DUSP22: variants seen among roughly 807,000 people sequenced by gnomAD.
DUSP22 encodes dual specificity phosphatase 22, also known as dual specificity protein phosphatase 22.
Under a neutral mutation model 24.5 loss-of-function variants are expected in DUSP22, and 24 were observed. The ratio of observed to expected loss-of-function variants is 0.98; its 90% CI spans 0.71 to 1.38. The LOEUF (loss-of-function observed/expected upper bound fraction) is 1.38. Ranked by LOEUF, DUSP22 falls within the 40% of genes most tolerant of loss-of-function variation. The probability of loss-of-function intolerance (pLI) is 0.00; values close to 1 mark genes in which losing one functional copy is unlikely to be tolerated. For missense variants in DUSP22, 330 were observed against 269.2 expected, an observed-to-expected ratio of 1.23 and a Z score of -1.58; for synonymous variants, 160 against 106.4, an observed-to-expected ratio of 1.50 and a Z score of -3.10.
chr6:301,715 C>T (rs1757589148), intron 1 of DUSP22, among the ~76,000 whole-genome samples: 1 of 152,274 alleles, frequency 6.6e-6, no homozygotes, highest in Non-Finnish European at 1.5e-5. Flanking sequence ...GCGGTGGGAG[C>T]CCTGGGTTTT....
At chr6:320,981 T>C (rs1372157112) in intron 3 of DUSP22, among the ~76,000 whole-genome samples, 1 of 152,304 alleles carries the variant, frequency 6.6e-6, no homozygotes, top group Non-Finnish European at 1.5e-5. Flanking sequence ...GACAGGCGTG[T>C]AAATCCTTAA....
intron 3 of DUSP22, among the ~76,000 whole-genome samples, chr6:324,716 G>C (rs774634205): frequency 2.3e-4 from 35 of 152,290 alleles, no homozygotes; most frequent in South Asian, 4.1e-4. Flanking sequence ...TGATCCCAGA[G>C]GGAGGATGTG....
chr6:327,596 C>T (rs1406193758), intron 3 of DUSP22, among the ~76,000 whole-genome samples: 2 of 152,302 alleles, frequency 1.3e-5, no homozygotes, highest in Middle Eastern at 3.2e-3. Context: ...ACTGGCCCTT[C>T]ACACGCAGTG....
In DUSP22 at chr6:307,003, A is replaced by G. The variant is rs576538355; in HGVS notation, c.55+2342A>G. On this transcript the variant is annotated intron_variant, in intron 2 of 6. Transcript: ENST00000419235. ...AATAAGCACCCACACACTCACTGCTACTGCCATGGGAGCCCGATCGATGCC... is the reference window on the plus strand; with the variant it reads ...AATAAGCACCCACACACTCACTGCTGCTGCCATGGGAGCCCGATCGATGCC... 3.3e-5 allele frequency among the ~76,000 whole-genome samples: 5 copies of G among 152,428 alleles called. No individual in the cohort carries two copies. In the East Asian group the frequency reaches 9.6e-4, roughly 29 times the overall value.
chr6:292,571 C>A lies in DUSP22; in HGVS notation c.21+11C>A. On this transcript the variant is annotated intron_variant, in intron 1 of 6. Transcript: ENST00000419235. ...AATGGGATGAACAAGGTAACGTCTTCCCTCGTTCGCGCTGGGTTTGCCTCC... is the reference window on the plus strand; with the variant it reads ...AATGGGATGAACAAGGTAACGTCTTACCTCGTTCGCGCTGGGTTTGCCTCC... 2 of 1,596,598 alleles carry A rather than the reference C, an allele frequency of 1.3e-6. No individual in the cohort carries two copies. The highest frequency in any genetic ancestry group is 1.7e-6 in the Non-Finnish European group (2 of 1,172,118).
intron 3 of DUSP22, among the ~76,000 whole-genome samples, chr6:316,357 A>G (rs953643659): frequency 1.1e-4 from 16 of 152,306 alleles, no homozygotes; most frequent in Admixed American, 2.6e-4. Flanking sequence ...TAATTTCAAT[A>G]GAAAGTAAGC....
intron 3 of DUSP22, among the ~76,000 whole-genome samples, chr6:322,840 G>T (rs9765994): frequency 6.8e-6 from 1 of 146,080 alleles, no homozygotes; most frequent in East Asian, 2.0e-4. Context: ...TGGGGCGGGG[G>T]GGGGCCTTCG....
At chr6:348,001 T>C (rs1581196203) in intron 5 of DUSP22, 102 bp from the exon 6 acceptor site, 1 of 1,528,832 alleles carries the variant, frequency 6.5e-7, no homozygotes, top group East Asian at 2.3e-5. Flanking sequence ...GCAGGAAGAC[T>C]TTCTGAACAA....
Position 349,849 on chromosome 6 carries a change from G to T in DUSP22, c.*898G>T. ...CACTTGAGCTCTGTGGTGGGCAGGC[G>T]CACTTTAGCCTAAGTTGGGTGCCCC... On this transcript the variant is annotated 3_prime_UTR_variant, in exon 7 of 7. Transcript: ENST00000419235. The T allele has an allele frequency of 2.0e-6, 2 of 985,990 alleles. No homozygotes were observed. The highest frequency in any genetic ancestry group is 2.4e-6 in the Non-Finnish European group (2 of 830,326). 61.1% of individuals were successfully genotyped at this position (985,990 alleles called of 1,614,324 possible).
chr6:343,171 T>TA (rs1384362059), intron 4 of DUSP22, among the ~76,000 whole-genome samples: 6 of 152,308 alleles, frequency 3.9e-5, no homozygotes, highest in Admixed American at 2.0e-4. Flanking sequence ...GCCACCTTAT[T>TA]ACATCTGGGT....
In DUSP22 at chr6:349,765, C is replaced by T. The variant is rs908501861; in HGVS notation, c.*814C>T. On this transcript the variant is annotated 3_prime_UTR_variant, in exon 7 of 7. Transcript: ENST00000419235. ...GTTCCCTAGCGCCTTGAGTCAAGGCCACTTTTCAGCCCATCGAGCCCTGAG... is the reference window on the plus strand; with the variant it reads ...GTTCCCTAGCGCCTTGAGTCAAGGCTACTTTTCAGCCCATCGAGCCCTGAG... The T allele has an allele frequency of 1.2e-5, 12 of 985,846 alleles. No homozygotes were observed. Among genetic ancestry groups the T allele is most frequent in the Admixed American group, 1.2e-4 (2 of 16,278 alleles). The allele number at this position is 985,846 out of a possible 1,614,324, so 61.1% of individuals were successfully genotyped here. A position where few individuals can be genotyped will look rare whatever the true frequency, so the allele number is the denominator to read the frequency against.
At chr6:296,475 T>C (rs1158371460) in intron 1 of DUSP22, among the ~76,000 whole-genome samples, 1 of 152,300 alleles carries the variant, frequency 6.6e-6, no homozygotes, top group African/African-American at 2.4e-5. Flanking sequence ...GCTAAGATAT[T>C]AGTCTAGTAA....
chr6:296,240 C>G (rs1757322864), intron 1 of DUSP22, among the ~76,000 whole-genome samples: 1 of 152,298 alleles, frequency 6.6e-6, no homozygotes, highest in Non-Finnish European at 1.5e-5. Flanking sequence ...ATGCCCCACA[C>G]TGGCCAAAAT....
At chr6:340,022 T>C (rs1271536152) in intron 4 of DUSP22, among the ~76,000 whole-genome samples, 3 of 152,310 alleles carry the variant, frequency 2.0e-5, no homozygotes, top group African/African-American at 7.2e-5. Context: ...ACTTCATTTA[T>C]TCCACTTAAA....
intron 3 of DUSP22, among the ~76,000 whole-genome samples, chr6:312,418 C>T (rs1192046859): frequency 3.3e-5 from 5 of 152,282 alleles, no homozygotes; most frequent in African/African-American, 1.2e-4. Flanking sequence ...GTTCCCAGGG[C>T]CGCTCTAATG....
Position 310,878 on chromosome 6 carries a change from T to C in DUSP22, c.56-1002T>C, listed in dbSNP as rs528365121. Among the ~76,000 whole-genome samples the C allele has an allele frequency of 2.6e-5, 4 of 152,424 alleles. No homozygotes were observed. In the South Asian group the frequency reaches 6.2e-4, roughly 24 times the overall value. The stretch of plus-strand genomic sequence containing the variant: ...TCCATGTAATCCATCATGATTACAA[T>C]GTTTATTAATCTAAGTGCATTTCAA... On this transcript the variant is annotated intron_variant, in intron 2 of 6. Coordinates refer to ENST00000419235, the MANE Select transcript of DUSP22 (RefSeq NM_001286555.3).
At chr6:339,503 A>G (rs1759504402) in intron 4 of DUSP22, among the ~76,000 whole-genome samples, 1 of 152,308 alleles carries the variant, frequency 6.6e-6, no homozygotes, top group South Asian at 2.1e-4. Context: ...TATATATTAC[A>G]TTGGCATTTT....
rs1266171506 is a variant in DUSP22, at chr6:296,393, C to T, written c.21+3833C>T. ...TAAGGGAACTGCCAGGGTCACCCAG[C>T]TGGTGAGTAGCAGAGCCTGGACTCA... is the stretch of plus-strand genomic sequence containing the variant. On this transcript the variant is annotated intron_variant, in intron 1 of 6. Transcript: ENST00000419235. 2.0e-5 allele frequency among the ~76,000 whole-genome samples: 3 copies of T among 152,424 alleles called. No individual in the cohort carries two copies. The South Asian group carries it at 6.2e-4, about 32-fold the overall frequency.
chr6:310,251 A>G (rs1234953650), intron 2 of DUSP22, among the ~76,000 whole-genome samples: 1 of 152,306 alleles, frequency 6.6e-6, no homozygotes, highest in Non-Finnish European at 1.5e-5. Flanking sequence ...GTCAGTCACC[A>G]TGCCCGGCCT....
Sources: allele counts gnomAD v4.1 joint callset (sites outside exome capture counted in the v4.1 genomes callset), GRCh38; gene constraint gnomAD v4.1.1; transcripts MANE v1.5; gene names NCBI Gene and HGNC (gene_info 2026-07-23, HGNC 2026-07-21).